PPP1R21: variants seen among roughly 807,000 people sequenced by gnomAD.
The protein encoded by PPP1R21 is protein phosphatase 1 regulatory subunit 21, also known as KLRAQ motif containing 1.
A neutral mutation model predicts 112.8 loss-of-function variants in PPP1R21; 85 were observed. The ratio of observed to expected loss-of-function variants is 0.75; its 90% CI spans 0.63 to 0.90. The LOEUF is 0.90. Among genes scored for constraint, PPP1R21 ranks in the 40% least tolerant of loss-of-function variants. The pLI, the probability that PPP1R21 is intolerant of heterozygous loss-of-function variation, is 0.00. For synonymous variants in PPP1R21, 381 were observed against 322.3 expected (o/e 1.18, Z -1.95); for missense variants, 1,199 against 901.5 (o/e 1.33, Z -4.23).
intron 12 of PPP1R21, among the ~76,000 whole-genome samples, chr2:48,478,563 C>T (rs966485580): frequency 3.9e-5 from 6 of 152,100 alleles, no homozygotes; most frequent in African/African-American, 1.2e-4. Context: ...TTCAAAATGT[C>T]GTGGGGCATC....
chr2:48,488,017 ACAGGTTAAC>A (rs1012820305), intron 14 of PPP1R21, among the ~76,000 whole-genome samples: 8 of 152,262 alleles, frequency 5.3e-5, no homozygotes, highest in Middle Eastern at 6.8e-3. Flanking sequence ...TCTGCTTCTG[ACAGGTTAAC>A]CATAATAGGA....
At chr2:48,458,864 G>A (rs1667845317) in intron 4 of PPP1R21, among the ~76,000 whole-genome samples, 1 of 151,934 alleles carries the variant, frequency 6.6e-6, no homozygotes, top group Non-Finnish European at 1.5e-5. Flanking sequence ...AGGCCAAGGT[G>A]GGCGGATCAC....
intron 17 of PPP1R21, among the ~76,000 whole-genome samples, chr2:48,500,583 T>C (rs572932315): frequency 8.5e-5 from 13 of 152,140 alleles, no homozygotes; most frequent in Non-Finnish European, 1.8e-4. Context: ...ACAACAACAA[T>C]TAAAATTTTT....
chr2:48,455,425 G>GGGATTAC (rs1667678316), intron 3 of PPP1R21, among the ~76,000 whole-genome samples: 1 of 151,072 alleles, frequency 6.6e-6, no homozygotes, highest in East Asian at 2.0e-4. Context: ...TTACAGGCCT[G>GGGATTAC]AGCCACCGTG....
chr2:48,498,425 A>G (rs1669948274), intron 16 of PPP1R21, 68 bp from the exon 17 acceptor site: 3 of 1,540,386 alleles, frequency 1.9e-6, no homozygotes, highest in African/African-American at 2.7e-5. Flanking sequence ...ATTCTGTAAG[A>G]TAGTTTTTGG....
intron 1 of PPP1R21, among the ~76,000 whole-genome samples, chr2:48,446,369 T>G (rs1022248413): frequency 1.3e-5 from 2 of 152,156 alleles, no homozygotes; most frequent in African/African-American, 4.8e-5. Context: ...CTCACTGAAG[T>G]TGGGCTATTC....
At chr2:48,491,826 C>G (rs919194996) in intron 15 of PPP1R21, among the ~76,000 whole-genome samples, 3 of 151,724 alleles carry the variant, frequency 2.0e-5, no homozygotes, top group Non-Finnish European at 2.9e-5. Flanking sequence ...ATACATGACT[C>G]AAGGGACATC....
intron 11 of PPP1R21, among the ~76,000 whole-genome samples, chr2:48,474,450 TG>T (rs1184094617): frequency 2.6e-5 from 4 of 152,234 alleles, no homozygotes; most frequent in Non-Finnish European, 5.9e-5. Flanking sequence ...GGAAAGATAA[TG>T]GACATATGCC....
At chr2:48,508,116 T>G (rs76366416) in intron 19 of PPP1R21, among the ~76,000 whole-genome samples, 11,450 of 151,540 alleles carry the variant, frequency 0.076, 615 homozygotes, top group Non-Finnish European at 0.12. Flanking sequence ...TGCAGTATCA[T>G]CTATAAAATT....
chr2:48,511,930 TC>T (rs1307605329), intron 21 of PPP1R21, among the ~76,000 whole-genome samples: 1 of 152,118 alleles, frequency 6.6e-6, no homozygotes, highest in African/African-American at 2.4e-5. Context: ...TGTCCTTTTT[TC>T]CAAAAGTATT....
chr2:48,487,937 A>C (rs563255514), intron 14 of PPP1R21, among the ~76,000 whole-genome samples: 1 of 152,278 alleles, frequency 6.6e-6, no homozygotes, highest in East Asian at 1.9e-4. Flanking sequence ...ATCTTAGCCC[A>C]TTTATTGCAG....
At chr2:48,483,673 C>A (rs893102843) in intron 13 of PPP1R21, among the ~76,000 whole-genome samples, 2 of 152,130 alleles carry the variant, frequency 1.3e-5, no homozygotes, top group Non-Finnish European at 2.9e-5. Flanking sequence ...CAATGAGAAA[C>A]AGAACAGAGT....
chr2:48,477,308 T>TG (rs1335974023), intron 12 of PPP1R21, among the ~76,000 whole-genome samples: 1 of 151,744 alleles, frequency 6.6e-6, no homozygotes, highest in African/African-American at 2.4e-5. Context: ...TTAGTAGAGA[T>TG]GGGGGTCTCA....
intron 9 of PPP1R21, among the ~76,000 whole-genome samples, chr2:48,470,207 T>G (rs1229311982): frequency 6.6e-6 from 1 of 152,142 alleles, no homozygotes; most frequent in African/African-American, 2.4e-5. Flanking sequence ...AATATTAAGG[T>G]TATCAGTGAC....
At chr2:48,500,412 C>G (rs1490488348) in intron 17 of PPP1R21, among the ~76,000 whole-genome samples, 1 of 151,718 alleles carries the variant, frequency 6.6e-6, no homozygotes, top group Non-Finnish European at 1.5e-5. Flanking sequence ...GCTAACCTTT[C>G]TGCATGTTTG....
chr2:48,493,919 A>C (rs1371643980), intron 15 of PPP1R21, among the ~76,000 whole-genome samples: 2 of 151,962 alleles, frequency 1.3e-5, no homozygotes, highest in African/African-American at 4.8e-5. Context: ...TGATAAGCCC[A>C]TTGTATGTTG....
intron 2 of PPP1R21, among the ~76,000 whole-genome samples, chr2:48,452,040 C>T (rs1418936775): frequency 6.6e-6 from 1 of 152,108 alleles, no homozygotes. Context: ...CTCTCTGCAC[C>T]CAAGCCAAGA....
chr2:48,493,111 T>G (rs184147487), intron 15 of PPP1R21, among the ~76,000 whole-genome samples: 375 of 144,730 alleles, frequency 2.6e-3, no homozygotes, highest in Non-Finnish European at 4.2e-3. Context: ...GTTCACACCA[T>G]TCTCCTGCCT....
At position 48,471,138 on chromosome 2, in the gene PPP1R21, G is replaced by C; in HGVS notation, c.949G>C (p.Gly317Arg). 1 of 1,613,098 alleles carries C rather than the reference G, an allele frequency of 6.2e-7. No homozygotes were observed. The highest frequency in any genetic ancestry group is 1.3e-5 in the African/African-American group (1 of 75,026). The part of the protein sequence containing the change: ...NASYVRPLEE[G>R]MLHLFESITE... ...GTCCTATGTCCGCCCTCTTGAGGAA[G>C]GAATGCTTCATTTATTTGAAAGTAT... The change falls in exon 10 of 22, where the codon GGA (glycine) becomes CGA (arginine). Residue 317 changes from glycine (G) to arginine (R), a missense_variant. Transcript: ENST00000294952.
Sources: gnomAD v4.1 joint callset for allele counts (sites outside exome capture counted in the v4.1 genomes callset) on GRCh38, gnomAD v4.1.1 for gene constraint, MANE v1.5 for transcripts, NCBI Gene and HGNC (gene_info 2026-07-23, HGNC 2026-07-21) for gene names.